RPS6KA2: variants seen among roughly 807,000 people sequenced by gnomAD.
The protein encoded by RPS6KA2 is ribosomal protein S6 kinase A2.
Under a neutral mutation model 91.8 loss-of-function variants are expected in RPS6KA2, and 42 were observed. That is an observed-to-expected ratio of 0.46 (90% CI 0.36 to 0.59). RPS6KA2 has a LOEUF of 0.59. RPS6KA2 is among the 20% of genes least tolerant of loss of function. The pLI is 0.00. For synonymous variants in RPS6KA2, 414 were observed against 393.6 expected (o/e 1.05, Z -0.61); for missense variants, 798 against 978.5 (o/e 0.82, Z 2.46).
At chr6:166,539,344 G>C (rs1286121765) in intron 1 of RPS6KA2, among the ~76,000 whole-genome samples, 1 of 152,164 alleles carries the variant, frequency 6.6e-6, no homozygotes, top group Non-Finnish European at 1.5e-5. Flanking sequence ...AAAAATCTAA[G>C]GGTACTCTCA....
intron 2 of RPS6KA2, among the ~76,000 whole-genome samples, chr6:166,757,348 A>T (rs1778043167): frequency 6.6e-6 from 1 of 152,186 alleles, no homozygotes; most frequent in South Asian, 2.1e-4. Context: ...TCAGCCAGAC[A>T]TGAGGACCTG....
chr6:166,554,508 CG>C lies in RPS6KA2; in HGVS notation c.100-15725del, dbSNP rs1270877761. 6.6e-6 allele frequency among the ~76,000 whole-genome samples: 1 copy of C among 152,194 alleles called. No homozygotes were observed. Among genetic ancestry groups the C allele is most frequent in the African/African-American group, 2.4e-5 (1 of 41,452 alleles). On this transcript the variant is annotated intron_variant, in intron 1 of 20. Coordinates refer to ENST00000265678, the MANE Select transcript of RPS6KA2 (RefSeq NM_021135.6). The surrounding 1 kb of genome is among the most constrained non-coding windows in gnomAD (Gnocchi z 4.3). ...CCCTTTCTATTCCTCTTCCCAGCTC[CG>C]GATGTGCATCCTGTGTGGGGACAGA...
At chr6:166,501,075 T>C (rs1370205824) in intron 6 of RPS6KA2, 151 bp from the exon 7 acceptor site, 1 of 653,582 alleles carries the variant, frequency 1.5e-6, no homozygotes, top group African/African-American at 1.8e-5. Context: ...CCACGGCTTG[T>C]GCGGTGGGCC....
At chr6:166,461,329 C>T (rs556106268) in intron 11 of RPS6KA2, among the ~76,000 whole-genome samples, 11 of 152,218 alleles carry the variant, frequency 7.2e-5, no homozygotes, top group Non-Finnish European at 1.6e-4. Flanking sequence ...GACACATGTG[C>T]TTGCCTGAGG....
chr6:166,781,950 G>C (rs1156481491), intron 2 of RPS6KA2, among the ~76,000 whole-genome samples: 1 of 152,184 alleles, frequency 6.6e-6, no homozygotes, highest in Non-Finnish European at 1.5e-5. Flanking sequence ...CCCACTAGTG[G>C]CCAGTAGCAT....
intron 2 of RPS6KA2, among the ~76,000 whole-genome samples, chr6:166,715,835 C>G (rs1235822848): frequency 6.6e-6 from 1 of 151,980 alleles, no homozygotes; most frequent in Non-Finnish European, 1.5e-5. Context: ...GTCAGGAGTT[C>G]AAGACCAGCC....
chr6:166,657,401 C>A (rs59964074), intron 2 of RPS6KA2, among the ~76,000 whole-genome samples: 3 of 151,268 alleles, frequency 2.0e-5, no homozygotes, highest in Non-Finnish European at 2.9e-5. Flanking sequence ...TTATTTTCAA[C>A]GACAAAAATG....
At chr6:166,629,009 T>C (rs1458061775), upstream of RPS6KA2, among the ~76,000 whole-genome samples, 1 of 152,246 alleles carries the variant, frequency 6.6e-6, no homozygotes, top group Non-Finnish European at 1.5e-5. Context: ...AAGGTTCTGC[T>C]GGGAGGGTAG....
At chr6:166,534,415 T>C (rs1409559258) in intron 2 of RPS6KA2, among the ~76,000 whole-genome samples, 2 of 152,078 alleles carry the variant, frequency 1.3e-5, no homozygotes, top group African/African-American at 2.4e-5. Flanking sequence ...GCAAGGTACA[T>C]GACGGATTTG....
In RPS6KA2 at chr6:166,800,665, T is replaced by C. The variant is rs886196992; in HGVS notation, c.123+57535A>G. On this transcript the variant is annotated intron_variant, in intron 2 of 21. Transcript: ENST00000503859. ...ATCTTGGACTTCCGGCCTCCAGAAC[T>C]GTGAGAAAGAAATTTCTGTTATTTG... Among the ~76,000 whole-genome samples the C allele has an allele frequency of 6.6e-5, 10 of 152,292 alleles. 1 individual carries two copies. Among genetic ancestry groups the C allele is most frequent in the South Asian group, 4.1e-4 (2 of 4,824 alleles).
At chr6:166,523,226 T>A (rs1782918357) in intron 3 of RPS6KA2, among the ~76,000 whole-genome samples, 1 of 152,190 alleles carries the variant, frequency 6.6e-6, no homozygotes, top group Admixed American at 6.5e-5. Context: ...CAGAGTGAGA[T>A]CGTACCTTAC....
intron 1 of RPS6KA2, among the ~76,000 whole-genome samples, chr6:166,608,723 T>C (rs1197348770): frequency 6.6e-6 from 1 of 152,176 alleles, no homozygotes. Flanking sequence ...CTATTTCTGT[T>C]CTGCTTCAAA....
At chr6:166,840,478 G>T (rs897141155) in intron 2 of RPS6KA2, among the ~76,000 whole-genome samples, 11 of 152,148 alleles carry the variant, frequency 7.2e-5, no homozygotes, top group African/African-American at 2.7e-4. Flanking sequence ...TGGGGAGCTG[G>T]TTTTCAAATG....
chr6:166,625,614 GGATAAA>G (rs1402614158), intron 1 of RPS6KA2, among the ~76,000 whole-genome samples: 1 of 152,018 alleles, frequency 6.6e-6, no homozygotes, highest in Non-Finnish European at 1.5e-5. Flanking sequence ...ACATGTATCC[GGATAAA>G]GATAAATACT....
chr6:166,831,242 G>A (rs972228892), intron 2 of RPS6KA2, among the ~76,000 whole-genome samples: 3 of 152,112 alleles, frequency 2.0e-5, no homozygotes, highest in Admixed American at 1.3e-4. Flanking sequence ...TTGCTCAGAG[G>A]CAGGTTCCTC....
chr6:166,414,346 A>G (rs1248886737), intron 19 of RPS6KA2, among the ~76,000 whole-genome samples: 3 of 152,228 alleles, frequency 2.0e-5, no homozygotes, highest in Admixed American at 1.3e-4. Context: ...CTACCCATAA[A>G]TATTTACTAC....
At chr6:166,856,100 T>G (rs951987515) in intron 2 of RPS6KA2, among the ~76,000 whole-genome samples, 20 of 152,226 alleles carry the variant, frequency 1.3e-4, no homozygotes, top group African/African-American at 4.8e-4. Flanking sequence ...TGTTGATGAA[T>G]TAAAGGATTT....
rs545566099 is a variant in RPS6KA2, at chr6:166,833,624, T to C, written c.123+24576A>G. Among the ~76,000 whole-genome samples, 5 of 152,264 alleles carry C rather than the reference T, an allele frequency of 3.3e-5. No individual in the cohort carries two copies. The South Asian group carries it at 1.0e-3, about 32-fold the overall frequency. ...TAGAAGTGGAGTATGCAATACATAG[T>C]ATTTGGGCCTGGCTGCTTTCCTTCA... On this transcript the variant is annotated intron_variant, in intron 2 of 21. Transcript: ENST00000503859.
chr6:166,629,636 C>G (rs1787012437), upstream of RPS6KA2, among the ~76,000 whole-genome samples: 1 of 152,146 alleles, frequency 6.6e-6, no homozygotes, highest in Non-Finnish European at 1.5e-5. Context: ...AACCGAAATC[C>G]AAATTATCCT....
Sources: allele counts gnomAD v4.1 joint callset (sites outside exome capture counted in the v4.1 genomes callset), GRCh38; gene constraint gnomAD v4.1.1; non-coding constraint Gnocchi (gnomAD v3.1); transcripts MANE v1.5; gene names NCBI Gene and HGNC (gene_info 2026-07-23, HGNC 2026-07-21).